The following BMPR2 variants were observed in gnomAD, a reference collection of about 807,000 sequenced individuals.
The protein encoded by BMPR2 is bone morphogenetic protein receptor type 2.
BMPR2 carries 29 observed loss-of-function variants against 100.8 expected under a neutral mutation model. That is an observed-to-expected ratio of 0.29 (90% confidence interval 0.21 to 0.39). BMPR2 has a LOEUF of 0.39. Among genes scored for constraint, BMPR2 ranks in the 10% least tolerant of loss-of-function variants. The pLI is 1.00. For synonymous variants in BMPR2, 382 were observed against 442.3 expected, an observed-to-expected ratio of 0.86 and a Z score of 1.71; for missense variants, 1,011 against 1,274.5, an observed-to-expected ratio of 0.79 and a Z score of 3.15.
chr2:202,528,024 C>T (rs867242153), intron 7 of BMPR2, among the ~76,000 whole-genome samples: 1 of 151,436 alleles, frequency 6.6e-6, no homozygotes, highest in African/African-American at 2.4e-5. Context: ...CCCGTCTCTA[C>T]AAAAATAAAA....
rs183160328 is a variant in BMPR2 at position 202,416,274 on chromosome 2, T to A, written c.76+38724T>A. 2.4e-3 allele frequency among the ~76,000 whole-genome samples: 365 copies of A among 152,082 alleles called. 6 individuals carry two copies. Among genetic ancestry groups the A allele is most frequent in the African/African-American group, 8.5e-3 (353 of 41,490 alleles). ...GAATGGAGGAAGAGTTGCTTTTTTT[T>A]TTTTCTTTTTCAGAAAGGGTCTCAC... On this transcript the variant is annotated intron_variant, in intron 1 of 12. Coordinates refer to ENST00000374580, the MANE Select transcript of BMPR2 (RefSeq NM_001204.7).
intron 3 of BMPR2, among the ~76,000 whole-genome samples, chr2:202,472,248 G>A (rs551058238): frequency 2.1e-4 from 32 of 152,320 alleles, no homozygotes; most frequent in African/African-American, 6.3e-4. Flanking sequence ...TATAGCTGTA[G>A]TTTCTACCTA....
chr2:202,419,471 C>T (rs1691211350), intron 1 of BMPR2, among the ~76,000 whole-genome samples: 1 of 152,138 alleles, frequency 6.6e-6, no homozygotes, highest in African/African-American at 2.4e-5. Context: ...ATTCTCTTGC[C>T]TTAGCCTCCT....
Position 202,396,949 on chromosome 2 carries a change from C to T in BMPR2, c.76+19399C>T, listed in dbSNP as rs1253434045. Among the ~76,000 whole-genome samples, 3 of 152,070 alleles carry T rather than the reference C, an allele frequency of 2.0e-5. No homozygotes were observed. In the East Asian group the frequency reaches 5.8e-4, roughly 29 times the overall value. Reference sequence around the variant, plus strand: ...AGTAGCTGGGATTACAGTCATGCGCCACCACGCCTGGTTAATTTTGTATTT... The same window carrying T: ...AGTAGCTGGGATTACAGTCATGCGCTACCACGCCTGGTTAATTTTGTATTT... On this transcript the variant is annotated intron_variant, in intron 1 of 12. Transcript: ENST00000374580.
chr2:202,481,399 C>T lies in BMPR2; in HGVS notation c.418+13710C>T, dbSNP rs183690278. 6.0e-4 allele frequency among the ~76,000 whole-genome samples: 91 copies of T among 152,234 alleles called. 1 individual carries two copies. Among genetic ancestry groups the T allele is most frequent in the African/African-American group, 2.1e-3 (89 of 41,554 alleles). ...TCACCATGTTGGCCATGGCTGGTCTCGAACTCCTGACTCAGCTGATCCGCC... is the reference window on the plus strand; with the variant it reads ...TCACCATGTTGGCCATGGCTGGTCTTGAACTCCTGACTCAGCTGATCCGCC... On this transcript the variant is annotated intron_variant, in intron 3 of 12. Coordinates refer to ENST00000374580, the MANE Select transcript of BMPR2 (RefSeq NM_001204.7).
intron 3 of BMPR2, among the ~76,000 whole-genome samples, chr2:202,499,933 G>T (rs1687343537): frequency 6.6e-6 from 1 of 152,136 alleles, no homozygotes; most frequent in Non-Finnish European, 1.5e-5. Context: ...TATCAGTATG[G>T]TTTACTAGGA....
chr2:202,491,303 C>T (rs1162816636), intron 3 of BMPR2, among the ~76,000 whole-genome samples: 3 of 152,148 alleles, frequency 2.0e-5, no homozygotes, highest in African/African-American at 7.2e-5. Flanking sequence ...GTGATCCTCC[C>T]GCCTTGGGCT....
intron 1 of BMPR2, among the ~76,000 whole-genome samples, chr2:202,409,542 C>T (rs942335067): frequency 6.6e-6 from 1 of 152,074 alleles, no homozygotes; most frequent in Non-Finnish European, 1.5e-5. Flanking sequence ...AATAGTAAGA[C>T]TCTGTCTCTA....
At chr2:202,511,166 C>T (rs1284270711) in intron 3 of BMPR2, among the ~76,000 whole-genome samples, 1 of 152,210 alleles carries the variant, frequency 6.6e-6, no homozygotes, top group Non-Finnish European at 1.5e-5. Flanking sequence ...ATTTCTTCCT[C>T]TCCCAGTCCC....
intron 1 of BMPR2, 146 bp downstream of exon 1, chr2:202,377,696 C>A: frequency 1.1e-6 from 1 of 914,760 alleles, no homozygotes; most frequent in Non-Finnish European, 1.7e-6. Flanking sequence ...TGCCTGCGCG[C>A]CTGCCCCATG....
At chr2:202,434,908 A>AAAAAAAAT (rs1559037398) in intron 1 of BMPR2, among the ~76,000 whole-genome samples, 1 of 38,422 alleles carries the variant, frequency 2.6e-5, no homozygotes, top group African/African-American at 1.1e-4. Context: ...AAAAAAAAAA[A>AAAAAAAAT]ATATATATAT....
At chr2:202,513,523 G>A (rs1028189529) in intron 3 of BMPR2, among the ~76,000 whole-genome samples, 196 bp from the exon 4 acceptor site, 18 of 152,182 alleles carry the variant, frequency 1.2e-4, no homozygotes, top group Middle Eastern at 3.4e-3. Flanking sequence ...AATCTATACA[G>A]AATAGTCTGT....
chr2:202,504,402 C>T (rs1452540578), intron 3 of BMPR2, among the ~76,000 whole-genome samples: 1 of 151,914 alleles, frequency 6.6e-6, no homozygotes, highest in Admixed American at 6.6e-5. Flanking sequence ...GACACGCCGC[C>T]TCAAGAGCTG....
At chr2:202,545,436 GTGT>G (rs1688358635) in intron 10 of BMPR2, among the ~76,000 whole-genome samples, 2 of 151,904 alleles carry the variant, frequency 1.3e-5, no homozygotes, top group Non-Finnish European at 2.9e-5. Flanking sequence ...CATTCTGAAG[GTGT>G]TGTTTTTATG....
At chr2:202,396,716 G>T (rs1690662666) in intron 1 of BMPR2, among the ~76,000 whole-genome samples, 1 of 152,146 alleles carries the variant, frequency 6.6e-6, no homozygotes, top group African/African-American at 2.4e-5. Context: ...TGCATGCTTG[G>T]ATTTTTTGGA....
rs866296943 is a variant in BMPR2, at chr2:202,525,188, A to G, written c.967+4987A>G. On this transcript the variant is annotated intron_variant, in intron 7 of 12. Transcript: ENST00000374580. ...TGGGTACATAGTAGTGTATATATTT[A>G]TGAGGTACGTGAGTTTTGTTGTTGT... Among the ~76,000 whole-genome samples, 8 of 151,904 alleles carry G rather than the reference A, an allele frequency of 5.3e-5. No homozygotes were observed. The South Asian group carries it at 1.5e-3, about 28-fold the overall frequency.
At position 202,532,433 on chromosome 2, in the gene BMPR2, A is replaced by G. The variant is rs1688045475; in HGVS notation, c.1129-152A>G. 13 of 858,938 alleles carry G rather than the reference A, an allele frequency of 1.5e-5. No homozygotes were observed. Among genetic ancestry groups the G allele is most frequent in the South Asian group, 1.0e-4 (6 of 58,420 alleles). The allele number at this position is 858,938 out of a possible 1,614,324, so 53.2% of individuals were successfully genotyped here. A position where few individuals can be genotyped will look rare whatever the true frequency, so the allele number is the denominator to read the frequency against. Reference sequence around the variant, plus strand: ...TACTTATTCAGGAAGGGCATTTTATAGGTAAAAAATAAGTTATAGAAAGGT... The same window carrying G: ...TACTTATTCAGGAAGGGCATTTTATGGGTAAAAAATAAGTTATAGAAAGGT... On this transcript the variant is annotated intron_variant, in intron 8 of 12. Coordinates refer to ENST00000374580, the MANE Select transcript of BMPR2 (RefSeq NM_001204.7). The surrounding 1 kb of genome is among the most constrained non-coding windows in gnomAD (Gnocchi z 4.1).
intron 1 of BMPR2, among the ~76,000 whole-genome samples, chr2:202,450,920 T>C (rs1480265522): frequency 6.6e-6 from 1 of 152,186 alleles, no homozygotes; most frequent in African/African-American, 2.4e-5. Context: ...AAAGGAATAC[T>C]GTTGCTTCAG....
chr2:202,417,176 G>T (rs1352245564), intron 1 of BMPR2, among the ~76,000 whole-genome samples: 1 of 151,652 alleles, frequency 6.6e-6, no homozygotes, highest in Non-Finnish European at 1.5e-5. Flanking sequence ...TCCCTCTGTC[G>T]CCCAGGCTGG....
Sources: allele counts gnomAD v4.1 joint callset (sites outside exome capture counted in the v4.1 genomes callset), GRCh38; gene constraint gnomAD v4.1.1; non-coding constraint Gnocchi (gnomAD v3.1); transcripts MANE v1.5; gene names NCBI Gene and HGNC (gene_info 2026-07-23, HGNC 2026-07-21).